SH3RF1: variants seen among roughly 807,000 people sequenced by gnomAD.
SH3RF1 encodes the protein E3 ubiquitin-protein ligase SH3RF1.
Under a neutral mutation model 74.0 loss-of-function variants are expected in SH3RF1, and 32 were observed. The ratio of observed to expected loss-of-function variants is 0.43; its 90% CI spans 0.33 to 0.58. The LOEUF is 0.58. Among genes scored for constraint, SH3RF1 ranks in the 20% least tolerant of loss-of-function variants. The pLI is 0.05. For synonymous variants in SH3RF1, 396 were observed against 439.6 expected (o/e 0.90, Z 1.24); for missense variants, 954 against 1,130.9 (o/e 0.84, Z 2.24).
At chr4:169,219,239 A>T (rs1730522066) in intron 2 of SH3RF1, among the ~76,000 whole-genome samples, 1 of 152,220 alleles carries the variant, frequency 6.6e-6, no homozygotes, top group South Asian at 2.1e-4. Flanking sequence ...AATAATGAGT[A>T]TACATACTGG....
intron 2 of SH3RF1, among the ~76,000 whole-genome samples, chr4:169,239,880 C>T (rs6847319): frequency 0.045 from 6,770 of 152,032 alleles, 315 homozygotes; most frequent in Admixed American, 0.15. Context: ...AAAAATAAGC[C>T]GGGCGTGGTG....
intron 2 of SH3RF1, among the ~76,000 whole-genome samples, chr4:169,204,810 A>G (rs1730221912): frequency 6.6e-6 from 1 of 152,096 alleles, no homozygotes. Flanking sequence ...CGGCCTCCCA[A>G]AGCATTGGGA....
intron 2 of SH3RF1, among the ~76,000 whole-genome samples, chr4:169,203,345 G>T (rs936490162): frequency 6.6e-6 from 1 of 152,102 alleles, no homozygotes; most frequent in Admixed American, 6.5e-5. Flanking sequence ...GAATCCAGGA[G>T]TTCCAGACCA....
chr4:169,191,629 A>G (rs761471505), intron 2 of SH3RF1, among the ~76,000 whole-genome samples: 9 of 152,210 alleles, frequency 5.9e-5, no homozygotes, highest in African/African-American at 1.7e-4. Context: ...GCATCACATT[A>G]CCTGACTTCA....
chr4:169,226,991 ACCCC>A (rs1176066658), intron 2 of SH3RF1, among the ~76,000 whole-genome samples: 27 of 152,216 alleles, frequency 1.8e-4, no homozygotes, highest in African/African-American at 6.3e-4. Context: ...ACATAACAAG[ACCCC>A]ATCTCTATAA....
At chr4:169,159,524 C>A (rs1479598097) in intron 2 of SH3RF1, among the ~76,000 whole-genome samples, 4 of 152,138 alleles carry the variant, frequency 2.6e-5, no homozygotes, top group African/African-American at 7.2e-5. Flanking sequence ...GGGTGTGAAT[C>A]CCATTTACTA....
Position 169,187,012 on chromosome 4 carries a change from C to CAA in SH3RF1, c.394-30335_394-30334dup, listed in dbSNP as rs11435790. ...CTGGGGACAGAGCGAGGCTCCATCGCAAAAAAAAAAAAATGAAAAAGAAAA... is the reference window on the plus strand; with the variant it reads ...CTGGGGACAGAGCGAGGCTCCATCGCAAAAAAAAAAAAAAATGAAAAAGAAAA... On this transcript the variant is annotated intron_variant, in intron 2 of 11. Coordinates refer to ENST00000284637, the MANE Select transcript of SH3RF1 (RefSeq NM_020870.4). 3.7e-3 allele frequency among the ~76,000 whole-genome samples: 473 copies of CAA among 127,452 alleles called. 7 individuals are homozygous for CAA. The highest frequency in any genetic ancestry group is 0.014 in the East Asian group (66 of 4,608). 83.6% of individuals were successfully genotyped at this position (127,452 alleles called of 152,430 possible).
At chr4:169,102,175 A>G (rs1309768883) in intron 11 of SH3RF1, among the ~76,000 whole-genome samples, 2 of 152,108 alleles carry the variant, frequency 1.3e-5, no homozygotes, top group East Asian at 1.9e-4. Context: ...CTAATATTCA[A>G]TTAAGTATTT....
chr4:169,155,994 A>G (rs1456036423), intron 3 of SH3RF1, among the ~76,000 whole-genome samples: 3 of 152,264 alleles, frequency 2.0e-5, no homozygotes, highest in East Asian at 3.9e-4. Context: ...AAAACTCCAA[A>G]CCATTTTATC....
intron 10 of SH3RF1, among the ~76,000 whole-genome samples, chr4:169,112,961 T>C (rs867496094): frequency 2.6e-5 from 4 of 152,006 alleles, no homozygotes; most frequent in African/African-American, 9.7e-5. Context: ...GATTTAGAGA[T>C]CAAATGATTA....
chr4:169,116,851 G>C (rs1733342824), intron 9 of SH3RF1, among the ~76,000 whole-genome samples: 1 of 152,164 alleles, frequency 6.6e-6, no homozygotes, highest in African/African-American at 2.4e-5. Flanking sequence ...TCTACTGAGT[G>C]CCTGGAAGCT....
chr4:169,227,377 G>A lies in SH3RF1; in HGVS notation c.393+41443C>T, dbSNP rs552914610. Among the ~76,000 whole-genome samples the A allele has an allele frequency of 7.6e-4, 116 of 152,270 alleles. 1 individual carries two copies. In the South Asian group the frequency reaches 0.018, roughly 24 times the overall value. ...TTTGAAAAATGTTCCTCTTGAATAA[G>A]CTGTATTTATCACCAAATATTTCAT... is the stretch of plus-strand genomic sequence containing the variant. On this transcript the variant is annotated intron_variant, in intron 2 of 11. Transcript: ENST00000284637.
In SH3RF1 at chr4:169,269,040, G is replaced by A. The variant is rs765059674; in HGVS notation, c.173C>T (p.Ser58Leu). 1.2e-5 allele frequency: 20 copies of A among 1,613,976 alleles called. No homozygotes were observed. The highest frequency in any genetic ancestry group is 3.3e-4 in the Middle Eastern group (2 of 6,084). The change falls in exon 2 of 12, where the codon TCG becomes TTG. Residue 58 changes from serine to leucine, a missense_variant. This residue lies in a region of SH3RF1 where 64 missense variants were observed against 101.9 expected (regional missense o/e 0.63). Coordinates refer to ENST00000284637, the MANE Select transcript of SH3RF1 (RefSeq NM_020870.4). ...GTTACTGGGAAGCTCCTCGACACCC[G>A]AGCCAACAAGAGTCCTGCACTCGGG... ...RCPECRTLVG[S>L]GVEELPSNIL...
intron 2 of SH3RF1, among the ~76,000 whole-genome samples, chr4:169,261,420 G>C (rs1731276732): frequency 6.6e-6 from 1 of 152,146 alleles, no homozygotes; most frequent in Admixed American, 6.5e-5. Context: ...TGAGGTCCCA[G>C]GGAAAATGTT....
intron 5 of SH3RF1, among the ~76,000 whole-genome samples, chr4:169,134,278 T>C (rs1407642558): frequency 6.6e-6 from 1 of 152,212 alleles, no homozygotes; most frequent in Non-Finnish European, 1.5e-5. Flanking sequence ...TTTCCTAAGC[T>C]ACTTGAACCA....
At chr4:169,212,085 A>T in intron 2 of SH3RF1, among the ~76,000 whole-genome samples, 1 of 47,904 alleles carries the variant, frequency 2.1e-5, no homozygotes, top group South Asian at 6.9e-4. Context: ...TTTTTTTGAG[A>T]CAGAGTTTTG....
At chr4:169,172,436 T>G (rs993790047) in intron 2 of SH3RF1, among the ~76,000 whole-genome samples, 3 of 152,264 alleles carry the variant, frequency 2.0e-5, no homozygotes, top group Non-Finnish European at 2.9e-5. Flanking sequence ...TGAGATTTAT[T>G]GACTTCATAT....
intron 4 of SH3RF1, among the ~76,000 whole-genome samples, chr4:169,146,828 G>C (rs1285375220): frequency 6.6e-6 from 1 of 152,110 alleles, no homozygotes; most frequent in African/African-American, 2.4e-5. Context: ...TATATTAAAG[G>C]ATAGCCAGGG....
At chr4:169,156,222 C>G (rs569261810) in intron 3 of SH3RF1, among the ~76,000 whole-genome samples, 182 bp downstream of exon 3, 2 of 152,310 alleles carry the variant, frequency 1.3e-5, no homozygotes, top group South Asian at 2.1e-4. Flanking sequence ...TATAAGAAGT[C>G]TGTGCATAAA....
Sources: gnomAD v4.1 joint callset for allele counts (sites outside exome capture counted in the v4.1 genomes callset) on GRCh38, gnomAD v4.1.1 for gene constraint, gnomAD v4.1.1 regional missense constraint, MANE v1.5 for transcripts, NCBI Gene and HGNC (gene_info 2026-07-23, HGNC 2026-07-21) for gene names.